MAP7D2: variants seen among roughly 807,000 people sequenced by gnomAD.
MAP7D2 encodes the protein MAP7 domain-containing protein 2.
In MAP7D2, 33 loss-of-function variants were observed where a neutral mutation model predicts 63.5. The ratio of observed to expected loss-of-function variants is 0.52; its 90% confidence interval spans 0.39 to 0.70. The LOEUF (loss-of-function observed/expected upper bound fraction) is 0.70, where lower values mean the gene tolerates loss of function less well. Ranked by LOEUF, MAP7D2 falls within the 30% of genes least tolerant of loss-of-function variation. MAP7D2 has a pLI of 0.00. For missense variants in MAP7D2, 626 were observed against 604.0 expected (o/e 1.04, Z -0.38); for synonymous variants, 224 against 223.7 (o/e 1.00, Z -0.01).
At chrX:20,103,794 C>A (rs1269855471) in intron 1 of MAP7D2, among the ~76,000 whole-genome samples, 4 of 112,259 alleles carry the variant, frequency 3.6e-5, no homozygotes. Context: ...TCCAACATCA[C>A]AGAAAGTTCT....
intron 1 of MAP7D2, among the ~76,000 whole-genome samples, chrX:20,069,256 G>A (rs1488133397): frequency 9.0e-6 from 1 of 111,143 alleles, no homozygotes; most frequent in Non-Finnish European, 1.9e-5. Context: ...GCCCAAACTG[G>A]AGTACAGTGG....
At chrX:20,025,627 T>C (rs899773739) in intron 9 of MAP7D2, 54 bp downstream of exon 9, 6 of 1,182,270 alleles carry the variant, frequency 5.1e-6, no homozygotes, top group African/African-American at 3.5e-5. Context: ...GGCACGTGGA[T>C]TGGGTCTGAG....
chrX:20,066,615 C>T (rs2065368778), intron 1 of MAP7D2, among the ~76,000 whole-genome samples: 3 of 111,552 alleles, frequency 2.7e-5, no homozygotes, highest in African/African-American at 9.8e-5. Context: ...CAGCTCATTC[C>T]AGCCACCCCG....
At chrX:20,099,456 A>T (rs1389933474) in intron 1 of MAP7D2, among the ~76,000 whole-genome samples, 1 of 111,951 alleles carries the variant, frequency 8.9e-6, no homozygotes, top group East Asian at 2.8e-4. Context: ...GAAAGAAGCC[A>T]TCATCCTGTC....
chrX:20,049,270 A>ATTTTTT (rs60182799), intron 6 of MAP7D2, among the ~76,000 whole-genome samples: 1 of 81,775 alleles, frequency 1.2e-5, no homozygotes. Context: ...ATGTATCTGT[A>ATTTTTT]TTTTTTTTTT....
intron 3 of MAP7D2, among the ~76,000 whole-genome samples, chrX:20,060,116 T>A (rs2065171371): frequency 9.1e-6 from 1 of 109,411 alleles, no homozygotes; most frequent in Non-Finnish European, 1.9e-5. Context: ...ACCTCCTAGG[T>A]TCAAGTGATT....
chrX:20,028,293 T>A (rs2073936643), intron 8 of MAP7D2, among the ~76,000 whole-genome samples: 1 of 112,118 alleles, frequency 8.9e-6, no homozygotes, highest in Non-Finnish European at 1.9e-5. Context: ...AGTCTGAGTT[T>A]GGGGTCACCA....
intron 4 of MAP7D2, among the ~76,000 whole-genome samples, chrX:20,056,155 T>C (rs2065063966): frequency 8.9e-6 from 1 of 111,871 alleles, no homozygotes; most frequent in Admixed American, 9.4e-5. Context: ...TAACAATCCA[T>C]ATATTAAATT....
chrX:20,092,778 G>A (rs1478187363), intron 1 of MAP7D2, among the ~76,000 whole-genome samples: 4 of 112,530 alleles, frequency 3.6e-5, no homozygotes, highest in African/African-American at 6.5e-5. Context: ...TACCAGGTAC[G>A]AGTAACAGTG....
At chrX:20,077,657 GCTC>G (rs2065681119) in intron 1 of MAP7D2, among the ~76,000 whole-genome samples, 1 of 111,968 alleles carries the variant, frequency 8.9e-6, no homozygotes, top group Non-Finnish European at 1.9e-5. Context: ...TAATGCACAT[GCTC>G]CTATTTATTG....
intron 1 of MAP7D2, among the ~76,000 whole-genome samples, chrX:20,100,684 G>A (rs181833206): frequency 3.2e-4 from 35 of 110,903 alleles, no homozygotes; most frequent in African/African-American, 1.0e-3. Context: ...CCTTGAAGAC[G>A]GAGGAAGGGG....
chrX:20,049,270 ATTTT>A (rs60182799), intron 6 of MAP7D2, among the ~76,000 whole-genome samples: 1 of 81,745 alleles, frequency 1.2e-5, no homozygotes, highest in African/African-American at 5.3e-5. Context: ...ATGTATCTGT[ATTTT>A]TTTTTTTTTT....
rs56796954 is a variant in MAP7D2 at position 20,027,757 on chromosome X, G to GGAGAGAGAGAGA, written c.1008-1817_1008-1806dup. On this transcript the variant is annotated intron_variant, in intron 8 of 16. Coordinates refer to ENST00000379643, the MANE Select transcript of MAP7D2 (RefSeq NM_001168465.2). ...GGAGAGAGGGAGAGAGAAGGCGGGG[G>GGAGAGAGAGAGA]GAGAGAGAGAGAGAGAGAGAGAGAG... Among the ~76,000 whole-genome samples the GGAGAGAGAGAGA allele has an allele frequency of 2.6e-4, 20 of 76,247 alleles. 2 individuals carry two copies. The highest frequency in any genetic ancestry group is 9.4e-4 in the African/African-American group (17 of 18,113). The allele number at this position is 76,247 out of a possible 115,157, so 66.2% of individuals were successfully genotyped here.
intron 6 of MAP7D2, among the ~76,000 whole-genome samples, chrX:20,045,205 G>A (rs1435490373): frequency 9.0e-6 from 1 of 110,908 alleles, no homozygotes; most frequent in Non-Finnish European, 1.9e-5. Flanking sequence ...TCCACACCTG[G>A]TTACTTCTGA....
At chrX:20,088,749 T>A (rs2065989020) in intron 1 of MAP7D2, among the ~76,000 whole-genome samples, 1 of 110,904 alleles carries the variant, frequency 9.0e-6, no homozygotes, top group African/African-American at 3.3e-5. Context: ...GATTTATCAA[T>A]TTTTTTCTTT....
At chrX:20,026,128 G>A (rs757018677) in intron 8 of MAP7D2, among the ~76,000 whole-genome samples, 176 bp from the exon 9 acceptor site, 13 of 110,946 alleles carry the variant, frequency 1.2e-4, no homozygotes, top group African/African-American at 4.3e-4. Context: ...AGGAATATAC[G>A]GTCTCTCTAA....
chrX:20,059,708 GGAAGGAAGGAAAGAAGGAAGGAAAAAAA>G (rs1440665879), intron 3 of MAP7D2, among the ~76,000 whole-genome samples: 1 of 105,160 alleles, frequency 9.5e-6, no homozygotes, highest in Admixed American at 1.0e-4. Flanking sequence ...TAGATAGGAA[GGAAGGAAGGAAAGAAGGAAGGAAAAAAA>G]GAAGGAAGGA....
At chrX:20,049,972 G>A (rs1603374226) in intron 6 of MAP7D2, 2 of 247,833 alleles carry the variant, frequency 8.1e-6, no homozygotes, top group East Asian at 2.6e-4. Flanking sequence ...TTAGCTATCT[G>A]TACAACTTAT....
intron 1 of MAP7D2, among the ~76,000 whole-genome samples, chrX:20,100,820 G>A (rs191376130): frequency 0.014 from 1,528 of 110,672 alleles, 10 homozygotes; most frequent in Non-Finnish European, 0.023. Context: ...TCGGGAGTTC[G>A]AGACCAGCCT....
Sources: allele counts gnomAD v4.1 joint callset (sites outside exome capture counted in the v4.1 genomes callset), GRCh38; gene constraint gnomAD v4.1.1; transcripts MANE v1.5; gene names NCBI Gene and HGNC (gene_info 2026-07-23, HGNC 2026-07-21).